Variants in NBEA observed in about 807,000 individuals in gnomAD.
NBEA encodes neurobeachin.
Under a neutral mutation model 343.4 loss-of-function variants are expected in NBEA, and 44 were observed. That is an observed-to-expected ratio of 0.13 (90% CI 0.10 to 0.16). NBEA has a LOEUF of 0.16. NBEA is among the 10% of genes least tolerant of loss of function. The pLI is 1.00. For missense variants in NBEA, 2,555 were observed against 3,631.3 expected, an observed-to-expected ratio of 0.70 and a Z score of 7.62; for synonymous variants, 1,175 against 1,238.7, an observed-to-expected ratio of 0.95 and a Z score of 1.08.
At chr13:35,342,962 A>T (rs1037748149) in intron 36 of NBEA, among the ~76,000 whole-genome samples, 4 of 152,074 alleles carry the variant, frequency 2.6e-5, no homozygotes, top group African/African-American at 9.7e-5. Flanking sequence ...ATTTCCAATT[A>T]AAAACCAAAT....
chr13:35,655,126 C>A, intron 54 of NBEA, 116 bp downstream of exon 54: 1 of 777,534 alleles, frequency 1.3e-6, no homozygotes, highest in South Asian at 3.4e-5. Context: ...CTTGAGTAGT[C>A]AAGATTCAAA....
At chr13:35,350,728 ATGTGTGTGTGTGTGTGTGTGTG>A (rs34088295) in intron 37 of NBEA, among the ~76,000 whole-genome samples, 3 of 137,846 alleles carry the variant, frequency 2.2e-5, no homozygotes, top group African/African-American at 5.2e-5. Flanking sequence ...AGAGCTATTG[ATGTGTGTGTGTGTGTGTGTGTG>A]TGTGTGTGTG....
At chr13:35,372,510 G>T (rs1318760596) in intron 38 of NBEA, among the ~76,000 whole-genome samples, 1 of 152,180 alleles carries the variant, frequency 6.6e-6, no homozygotes, top group Non-Finnish European at 1.5e-5. Flanking sequence ...GCATATGCTG[G>T]CTGAGGTAGA....
chr13:35,380,865 A>T (rs2152891809), intron 38 of NBEA, among the ~76,000 whole-genome samples: 1 of 152,150 alleles, frequency 6.6e-6, no homozygotes, highest in African/African-American at 2.4e-5. Context: ...AGTTTTAAAT[A>T]TTTTGCCACA....
At position 35,070,740 on chromosome 13, in the gene NBEA, C is replaced by T; in HGVS notation, c.1459C>T (p.His487Tyr). 1 of 1,593,054 alleles carries T rather than the reference C, an allele frequency of 6.3e-7. No individual in the cohort carries two copies. The highest frequency in any genetic ancestry group is 8.6e-7 in the Non-Finnish European group (1 of 1,167,476). Residue 487 changes from histidine (H) to tyrosine (Y), a missense_variant, in exon 10 of 59, where the codon CAT becomes TAT. Around this residue, in one of 21 missense-constraint regions of NBEA, gnomAD observed 360 missense variants for 519.1 expected, o/e 0.69. Coordinates refer to ENST00000379939, the MANE Select transcript of NBEA (RefSeq NM_001385012.1). ...MLQDVKAIVT[H>Y]SIHSAIHSIG... is the part of the protein sequence containing the mutation. ...ATAGGATGTGAAAGCGATAGTAACACATTCAATTCATAGTGCAATTCATTC... is the reference window on the plus strand; with the variant it reads ...ATAGGATGTGAAAGCGATAGTAACATATTCAATTCATAGTGCAATTCATTC...
chr13:35,606,387 A>G, intron 47 of NBEA, 39 bp from the exon 48 acceptor site: 1 of 1,229,514 alleles, frequency 8.1e-7, no homozygotes, highest in Non-Finnish European at 1.1e-6. Flanking sequence ...ACTGATTTTT[A>G]TAAAGTGGTT....
chr13:35,539,940 A>AGAAAAAAAAAAAAC (rs2078742639), intron 41 of NBEA, among the ~76,000 whole-genome samples: 1 of 146,974 alleles, frequency 6.8e-6, no homozygotes, highest in Non-Finnish European at 1.5e-5. Flanking sequence ...AAAAAAAAAA[A>AGAAAAAAAAAAAAC]AAGTGCACTA....
rs931819000 is a variant in NBEA, at chr13:34,988,552, C to A, written c.294+45438C>A. On this transcript the variant is annotated intron_variant, in intron 1 of 58. Coordinates refer to ENST00000379939, the MANE Select transcript of NBEA (RefSeq NM_001385012.1). ...TGCTGCCTCACAGGTCGATATCAGA[C>A]TGCTGTGCTAGCAGTGAGCAAGTCT... 4.0e-5 allele frequency among the ~76,000 whole-genome samples: 6 copies of A among 151,032 alleles called. 1 individual carries two copies. Among genetic ancestry groups the A allele is most frequent in the Non-Finnish European group, 8.9e-5 (6 of 67,448 alleles).
At chr13:35,517,292 A>T (rs981771740) in intron 41 of NBEA, among the ~76,000 whole-genome samples, 4 of 151,970 alleles carry the variant, frequency 2.6e-5, no homozygotes, top group African/African-American at 9.7e-5. Context: ...TGCCATAGAG[A>T]TCTAATTCCT....
chr13:35,234,278 G>A (rs1333017523), intron 34 of NBEA, among the ~76,000 whole-genome samples: 1 of 152,080 alleles, frequency 6.6e-6, no homozygotes, highest in Non-Finnish European at 1.5e-5. Context: ...CTGAAGAATT[G>A]GATTCTGAGA....
At chr13:35,208,084 G>A (rs959537409) in intron 31 of NBEA, among the ~76,000 whole-genome samples, 21 of 152,080 alleles carry the variant, frequency 1.4e-4, no homozygotes, top group African/African-American at 4.6e-4. Context: ...CCTGAGTGTG[G>A]TGGCACGTAG....
chr13:35,478,308 C>T (rs2075971012), intron 41 of NBEA, among the ~76,000 whole-genome samples: 1 of 152,208 alleles, frequency 6.6e-6, no homozygotes, highest in South Asian at 2.1e-4. Flanking sequence ...CCTTCCATCC[C>T]CTTAAGAGCA....
chr13:35,267,096 T>C (rs1346752538), intron 34 of NBEA, among the ~76,000 whole-genome samples: 2 of 151,942 alleles, frequency 1.3e-5, no homozygotes, highest in Admixed American at 6.6e-5. Flanking sequence ...TGCCTTTACA[T>C]TGAGTAGGCT....
chr13:35,070,848 G>A lies in NBEA; in HGVS notation c.1567G>A (p.Val523Ile). Reference protein sequence around the residue: ...QLNDSQVETTVCATLLAFLVE... With the variant: ...QLNDSQVETTICATLLAFLVE... ...CAATGACAGTCAAGTGGAAACAACT[G>A]TCTGGTAAGTTTTCTTTGCATGTAC... The change falls in exon 10 of 59, where the codon GTC becomes ATC. Residue 523 changes from valine to isoleucine, a missense_variant. By Grantham distance (29) the Val-to-Ile change is conservative. Transcript: ENST00000379939. 1 of 1,609,724 alleles carries A rather than the reference G, an allele frequency of 6.2e-7. No individual in the cohort carries two copies. Among genetic ancestry groups the A allele is most frequent in the Non-Finnish European group, 8.5e-7 (1 of 1,178,392 alleles).
rs769870232 is a variant in NBEA, at chr13:35,628,131, T to A, written c.7500T>A (p.Leu2500=). ...GCCAACTTCATCAGTGGATCGACCTTATATTTGGCTATAAGCAGCGAGGAC... is the reference window on the plus strand; with the variant it reads ...GCCAACTTCATCAGTGGATCGACCTAATATTTGGCTATAAGCAGCGAGGAC... ...VSCQLHQWID[L]IFGYKQRGPE... The change falls in exon 49 of 59, where the codon CTT becomes CTA. Residue 2500 remains leucine (L), a synonymous_variant. Coordinates refer to ENST00000379939, the MANE Select transcript of NBEA (RefSeq NM_001385012.1). The A allele has an allele frequency of 1.2e-6, 2 of 1,613,378 alleles. No homozygotes were observed. The highest frequency in any genetic ancestry group is 1.1e-5 in the South Asian group (1 of 90,922).
At chr13:35,474,800 C>A in intron 41 of NBEA, 1 of 437,034 alleles carries the variant, frequency 2.3e-6, no homozygotes, top group Non-Finnish European at 4.1e-6. Flanking sequence ...TTACGGTGTA[C>A]TTTTCAAGGG....
At chr13:35,085,281 A>C (rs1407094666) in intron 10 of NBEA, among the ~76,000 whole-genome samples, 1 of 152,110 alleles carries the variant, frequency 6.6e-6, no homozygotes, top group African/African-American at 2.4e-5. Flanking sequence ...ACACAACCAA[A>C]AAAGAGAATT....
intron 45 of NBEA, among the ~76,000 whole-genome samples, chr13:35,575,008 G>A (rs909779924): frequency 6.6e-6 from 1 of 152,090 alleles, no homozygotes; most frequent in Admixed American, 6.5e-5. Context: ...TCAAAGTGTG[G>A]GGATTATCGG....
At chr13:35,222,946 A>G (rs982233933) in intron 33 of NBEA, among the ~76,000 whole-genome samples, 2 of 152,242 alleles carry the variant, frequency 1.3e-5, no homozygotes, top group East Asian at 1.9e-4. Context: ...AGCCTGGCCA[A>G]CATGCTGAAA....
Sources: gnomAD v4.1 joint callset for allele counts (sites outside exome capture counted in the v4.1 genomes callset) on GRCh38, gnomAD v4.1.1 for gene constraint, gnomAD v4.1.1 regional missense constraint, MANE v1.5 for transcripts, NCBI Gene and HGNC (gene_info 2026-07-23, HGNC 2026-07-21) for gene names.